The following PLPPR2 variants were observed in gnomAD, a reference collection of about 807,000 sequenced individuals.
PLPPR2 encodes the protein phospholipid phosphatase related 2.
In PLPPR2, 11 loss-of-function variants were observed where a neutral mutation model predicts 40.3. The ratio of observed to expected loss-of-function variants is 0.27; its 90% CI spans 0.17 to 0.45. PLPPR2 has a LOEUF of 0.45. PLPPR2 is among the 20% of genes least tolerant of loss of function. The pLI is 1.00. For synonymous variants in PLPPR2, 260 were observed against 290.8 expected (o/e 0.89, Z 1.08); for missense variants, 497 against 640.7 (o/e 0.78, Z 2.42).
chr19:11,360,431 C>T (rs1271912530), intron 5 of PLPPR2, among the ~76,000 whole-genome samples: 1 of 151,952 alleles, frequency 6.6e-6, no homozygotes, highest in Non-Finnish European at 1.5e-5. Flanking sequence ...GATCCCACCT[C>T]TTTAAAAAAA....
intron 3 of PLPPR2, among the ~76,000 whole-genome samples, chr19:11,358,516 GTC>G (rs1479004702): frequency 6.6e-6 from 1 of 152,020 alleles, no homozygotes; most frequent in Non-Finnish European, 1.5e-5. Flanking sequence ...CTGTCTGTCT[GTC>G]TCTCATTTGA....
Position 11,361,537 on chromosome 19 carries a change from G to A in PLPPR2, c.663+49G>A, listed in dbSNP as rs1217880964. 2 of 1,545,780 alleles carry A rather than the reference G, an allele frequency of 1.3e-6. No individual in the cohort carries two copies. Reference sequence around the variant, plus strand: ...CGGAAATGGGTGTGCAGGCTGGACAGCGACCAGCAGCTAGGAAGCCGCCAG... The same window carrying A: ...CGGAAATGGGTGTGCAGGCTGGACAACGACCAGCAGCTAGGAAGCCGCCAG... On this transcript the variant is annotated intron_variant, in intron 6 of 9. Coordinates refer to ENST00000688289, the MANE Select transcript of PLPPR2 (RefSeq NM_001393892.1). This position sits in a 1 kb window ranked among gnomAD's most constrained non-coding sequence, Gnocchi z 6.3.
intron 2 of PLPPR2, 119 bp from the exon 3 acceptor site, chr19:11,357,541 G>C: frequency 1.6e-6 from 1 of 608,260 alleles, no homozygotes; most frequent in Non-Finnish European, 2.7e-6. Flanking sequence ...GGGCCTCCCC[G>C]GGTCTTCAGG....
intron 3 of PLPPR2, among the ~76,000 whole-genome samples, chr19:11,358,397 C>T (rs1239262903): frequency 1.3e-5 from 2 of 152,172 alleles, no homozygotes; most frequent in East Asian, 3.9e-4. Flanking sequence ...AATTCATGGA[C>T]AAAGCTTGGT....
At position 11,363,893 on chromosome 19, in the gene PLPPR2, G is replaced by C; in HGVS notation, c.963+58G>C. 1 of 1,566,986 alleles carries C rather than the reference G, an allele frequency of 6.4e-7. No individual in the cohort carries two copies. The highest frequency in any genetic ancestry group is 8.7e-7 in the Non-Finnish European group (1 of 1,153,778). On this transcript the variant is annotated intron_variant, in intron 8 of 9. Coordinates refer to ENST00000688289, the MANE Select transcript of PLPPR2 (RefSeq NM_001393892.1). This position sits in a 1 kb window ranked among gnomAD's most constrained non-coding sequence, Gnocchi z 4.8. ...GAGGGTGGTGGGTGGAGGGGGCCAA[G>C]GAGACAGGAAGGAAGTCAGGCAAGA...
At chr19:11,358,056 TGTGTGTAC>T (rs1372042729) in intron 3 of PLPPR2, among the ~76,000 whole-genome samples, 1 of 13,776 alleles carries the variant, frequency 7.3e-5, no homozygotes, top group Non-Finnish European at 1.5e-4. Context: ...TGTGTGTGTG[TGTGTGTAC>T]GTGTGTTTGA....
rs142957735 is a variant in PLPPR2 at position 11,359,875 on chromosome 19, C to T, written c.310C>T (p.Pro104Ser). ...AFFPAPPSAV[P>S]VIGESTIVSG... is the part of the protein sequence containing the mutation. ...TTTCCCTGCACCACCTTCAGCCGTC[C>T]CAGTCATCGGGGAGAGCACCATCGT... The change falls in exon 5 of 10, where the codon CCA becomes TCA. Residue 104 changes from proline (P) to serine (S), a missense_variant. Physicochemically the swap from Pro to Ser is moderately conservative, Grantham distance 74 (BLOSUM62 -1). Transcript: ENST00000688289. The surrounding 1 kb of genome is among the most constrained non-coding windows in gnomAD (Gnocchi z 5.6). 1.2e-6 allele frequency: 2 copies of T among 1,613,826 alleles called. No homozygotes were observed. The highest frequency in any genetic ancestry group is 1.3e-5 in the African/African-American group (1 of 75,064).
rs1172034360 is a variant in PLPPR2 at position 11,363,167 on chromosome 19, G to C, written c.840+478G>C. On this transcript the variant is annotated intron_variant, in intron 7 of 9. Coordinates refer to ENST00000688289, the MANE Select transcript of PLPPR2 (RefSeq NM_001393892.1). The surrounding 1 kb of genome is among the most constrained non-coding windows in gnomAD (Gnocchi z 4.8). ...AAATTAGCCAGGCATAGTAGTCCCA[G>C]CTACTTGGGAGGCTGAGGCAGAAGA... Among the ~76,000 whole-genome samples, 1 of 151,924 alleles carries C rather than the reference G, an allele frequency of 6.6e-6. No individual in the cohort carries two copies. Among genetic ancestry groups the C allele is most frequent in the African/African-American group, 2.4e-5 (1 of 41,366 alleles).
rs377667143 is a variant in PLPPR2, at chr19:11,362,481, G to C, written c.664-32G>C. ...CACTTGGGTTCGGCGACTTGCCTCC[G>C]CTATCCCCCTGACCAGTCCGGCTCC... On this transcript the variant is annotated intron_variant, in intron 6 of 9. Transcript: ENST00000688289. This position sits in a 1 kb window ranked among gnomAD's most constrained non-coding sequence, Gnocchi z 5.3. The C allele has an allele frequency of 6.2e-7, 1 of 1,605,638 alleles. No individual in the cohort carries two copies. The highest frequency in any genetic ancestry group is 2.2e-5 in the East Asian group (1 of 44,872).
Position 11,359,756 on chromosome 19 carries a change from C to G in PLPPR2, c.255+36C>G. On this transcript the variant is annotated intron_variant, in intron 4 of 9. Coordinates refer to ENST00000688289, the MANE Select transcript of PLPPR2 (RefSeq NM_001393892.1). This position sits in a 1 kb window ranked among gnomAD's most constrained non-coding sequence, Gnocchi z 5.6. Reference sequence around the variant, plus strand: ...GAAGACCTCCTAGGAGGCAGGTGGGCCGGTAAGGGTGGGTGAGGGGATGGG... The same window carrying G: ...GAAGACCTCCTAGGAGGCAGGTGGGGCGGTAAGGGTGGGTGAGGGGATGGG... 6.3e-7 allele frequency: 1 copy of G among 1,577,336 alleles called. No individual in the cohort carries two copies. Among genetic ancestry groups the G allele is most frequent in the South Asian group, 1.2e-5 (1 of 86,624 alleles).
rs1255704696 is a variant in PLPPR2, at chr19:11,364,833, TA to T, written c.*144del. On this transcript the variant is annotated 3_prime_UTR_variant, in exon 10 of 10. Coordinates refer to ENST00000688289, the MANE Select transcript of PLPPR2 (RefSeq NM_001393892.1). The surrounding 1 kb of genome is among the most constrained non-coding windows in gnomAD (Gnocchi z 5.8). ...ATTAGAAGATGGCTAGAAGGACATT[TA>T]GGAGACATCTGCCTCTCTGGCCCTC... 3.2e-6 allele frequency: 3 copies of T among 931,982 alleles called. No individual in the cohort carries two copies. The highest frequency in any genetic ancestry group is 4.8e-6 in the Non-Finnish European group (3 of 621,516). 57.7% of individuals were successfully genotyped at this position (931,982 alleles called of 1,614,324 possible).
intron 5 of PLPPR2, among the ~76,000 whole-genome samples, chr19:11,360,845 AG>A (rs1968022774): frequency 6.6e-6 from 1 of 152,008 alleles, no homozygotes; most frequent in Non-Finnish European, 1.5e-5. Context: ...TAGCCAGTTT[AG>A]GGGCAGGCAG....
Position 11,362,764 on chromosome 19 carries a change from A to C in PLPPR2, c.840+75A>C, listed in dbSNP as rs1042211610. ...CTGACCCAAGAGGCAGGACCACATGATGGAGAAGGGTGTGGACTCTGTGTG... is the reference window on the plus strand; with the variant it reads ...CTGACCCAAGAGGCAGGACCACATGCTGGAGAAGGGTGTGGACTCTGTGTG... On this transcript the variant is annotated intron_variant, in intron 7 of 9. Transcript: ENST00000688289. This position sits in a 1 kb window ranked among gnomAD's most constrained non-coding sequence, Gnocchi z 5.3. The C allele has an allele frequency of 2.0e-6, 3 of 1,508,540 alleles. No homozygotes were observed. Among genetic ancestry groups the C allele is most frequent in the African/African-American group, 2.7e-5 (2 of 73,138 alleles). 93.4% of individuals were successfully genotyped at this position (1,508,540 alleles called of 1,614,324 possible).
rs886128750 is a variant in PLPPR2 at position 11,361,644 on chromosome 19, C to A, written c.663+156C>A. ...CCCCGACCTGTTGGAAGCTCTCCCT[C>A]CTCCTCCCAGATCCTAGCCACGCCC... On this transcript the variant is annotated intron_variant, in intron 6 of 9. Transcript: ENST00000688289. The surrounding 1 kb of genome is among the most constrained non-coding windows in gnomAD (Gnocchi z 6.3). Among the ~76,000 whole-genome samples, 1 of 152,084 alleles carries A rather than the reference C, an allele frequency of 6.6e-6. No individual in the cohort carries two copies. Among genetic ancestry groups the A allele is most frequent in the Non-Finnish European group, 1.5e-5 (1 of 67,990 alleles).
At chr19:11,360,435 A>T (rs1441638141) in intron 5 of PLPPR2, among the ~76,000 whole-genome samples, 7 of 151,786 alleles carry the variant, frequency 4.6e-5, no homozygotes, top group Admixed American at 4.6e-4. Context: ...CCACCTCTTT[A>T]AAAAAAAGGG....
At position 11,359,040 on chromosome 19, in the gene PLPPR2, A is replaced by G. The variant is rs1046399112; in HGVS notation, c.67-492A>G. On this transcript the variant is annotated intron_variant, in intron 3 of 9. Transcript: ENST00000688289. This position sits in a 1 kb window ranked among gnomAD's most constrained non-coding sequence, Gnocchi z 5.6. ...TTTTCTTTCTTTTTGTCTTTCAGCC[A>G]TTCCTTTTCCTTTCTTTTTTTTCTG... Among the ~76,000 whole-genome samples the G allele has an allele frequency of 6.8e-6, 1 of 147,574 alleles. No homozygotes were observed. The highest frequency in any genetic ancestry group is 2.5e-5 in the African/African-American group (1 of 39,716).
intron 3 of PLPPR2, 42 bp downstream of exon 3, chr19:11,357,781 T>C (rs1184977326): frequency 7.3e-6 from 11 of 1,509,856 alleles, no homozygotes; most frequent in Non-Finnish European, 1.0e-5. Flanking sequence ...CGTGCCTATC[T>C]CTGTCTCTGT....
chr19:11,362,430 T>C lies in PLPPR2; in HGVS notation c.664-83T>C. 2 of 1,506,222 alleles carry C rather than the reference T, an allele frequency of 1.3e-6. No individual in the cohort carries two copies. Among genetic ancestry groups the C allele is most frequent in the Non-Finnish European group, 9.0e-7 (1 of 1,105,268 alleles). 93.3% of individuals were successfully genotyped at this position (1,506,222 alleles called of 1,614,324 possible). On this transcript the variant is annotated intron_variant, in intron 6 of 9. Transcript: ENST00000688289. The surrounding 1 kb of genome is among the most constrained non-coding windows in gnomAD (Gnocchi z 5.3). ...CCCTCCAGCCCCAACGCTCTGGCCA[T>C]GCGCTCTAGCCCAGAAAGGAGCGTC...
At chr19:11,358,803 C>T (rs1468494643) in intron 3 of PLPPR2, among the ~76,000 whole-genome samples, 1 of 152,040 alleles carries the variant, frequency 6.6e-6, no homozygotes, top group African/African-American at 2.4e-5. Context: ...CAAACTCCGC[C>T]TCCCGGGTTC....
Sources: gnomAD v4.1 joint callset for allele counts (sites outside exome capture counted in the v4.1 genomes callset) on GRCh38, gnomAD v4.1.1 for gene constraint, Gnocchi (gnomAD v3.1) non-coding constraint, MANE v1.5 for transcripts, NCBI Gene and HGNC (gene_info 2026-07-23, HGNC 2026-07-21) for gene names.